The following TSNARE1 variants were observed in gnomAD, a reference collection of about 807,000 sequenced individuals.
The protein encoded by TSNARE1 is t-SNARE domain-containing protein 1.
Under a neutral mutation model 62.0 loss-of-function variants are expected in TSNARE1, and 49 were observed. The ratio of observed to expected loss-of-function variants is 0.79; its 90% CI spans 0.63 to 1.00. The LOEUF (loss-of-function observed/expected upper bound fraction) is 1.00. TSNARE1 is among the 50% of genes least tolerant of loss of function. The pLI is 0.00. For missense variants in TSNARE1, 755 were observed against 700.1 expected (o/e 1.08, Z -0.88); for synonymous variants, 328 against 294.4 (o/e 1.11, Z -1.17).
intron 4 of TSNARE1, among the ~76,000 whole-genome samples, chr8:142,332,780 A>G (rs1385998393): frequency 6.6e-6 from 1 of 152,120 alleles, no homozygotes; most frequent in Non-Finnish European, 1.5e-5. Flanking sequence ...AAGCACATGG[A>G]AACACTCGCT....
intron 10 of TSNARE1, among the ~76,000 whole-genome samples, chr8:142,295,186 A>G (rs1017092512): frequency 7.2e-6 from 1 of 138,130 alleles, no homozygotes; most frequent in African/African-American, 2.5e-5. Flanking sequence ...CAGCTCCCAC[A>G]TGTGACTGGC....
chr8:142,352,754 G>A (rs1370328122), intron 2 of TSNARE1, among the ~76,000 whole-genome samples: 2 of 152,190 alleles, frequency 1.3e-5, no homozygotes, highest in Admixed American at 6.5e-5. Flanking sequence ...ATATGCACAC[G>A]CATAAGCAAA....
At position 142,320,419 on chromosome 8, in the gene TSNARE1, C is replaced by T. The variant is rs139758398; in HGVS notation, c.894-1785G>A. Among the ~76,000 whole-genome samples the T allele has an allele frequency of 2.9e-4, 43 of 150,696 alleles. 3 individuals carry two copies. Among genetic ancestry groups the T allele is most frequent in the African/African-American group, 1.0e-3 (43 of 41,036 alleles). ...AACTTCACCTCCCCACACCACCCTC[C>T]TGTACCTCCGACTTCACTTCCCCAC... On this transcript the variant is annotated intron_variant, in intron 6 of 13. Coordinates refer to ENST00000524325, the MANE Select transcript of TSNARE1 (RefSeq NM_145003.5).
intron 10 of TSNARE1, among the ~76,000 whole-genome samples, chr8:142,296,984 C>T (rs13265050): frequency 4.6e-5 from 7 of 152,018 alleles, no homozygotes; most frequent in African/African-American, 1.5e-4. Context: ...CACTTCCACA[C>T]GGCCCGCTAC....
intron 6 of TSNARE1, among the ~76,000 whole-genome samples, chr8:142,322,994 C>T (rs981764262): frequency 4.0e-5 from 6 of 149,014 alleles, no homozygotes; most frequent in Non-Finnish European, 7.4e-5. Flanking sequence ...CCGGTCTGGC[C>T]GTGTCTGTGG....
At chr8:142,249,862 C>T (rs759930811) in intron 12 of TSNARE1, among the ~76,000 whole-genome samples, 3 of 152,240 alleles carry the variant, frequency 2.0e-5, no homozygotes, top group Non-Finnish European at 4.4e-5. Flanking sequence ...AAAGCCACAG[C>T]CAGACCGGCC....
intron 12 of TSNARE1, among the ~76,000 whole-genome samples, chr8:142,240,130 A>C (rs973853426): frequency 2.0e-5 from 3 of 152,222 alleles, no homozygotes; most frequent in Admixed American, 6.5e-5. Context: ...GAGGCATAGA[A>C]GTACTGAAAA....
At chr8:142,315,193 C>T (rs1287392908) in intron 7 of TSNARE1, 101 bp from the exon 8 acceptor site, 4 of 1,196,028 alleles carry the variant, frequency 3.3e-6, no homozygotes, top group Non-Finnish European at 4.8e-6. Flanking sequence ...CACCTTCCCA[C>T]ACTCAGAATG....
chr8:142,216,124 G>T (rs113182709), intron 13 of TSNARE1, among the ~76,000 whole-genome samples: 1 of 152,102 alleles, frequency 6.6e-6, no homozygotes, highest in Non-Finnish European at 1.5e-5. Context: ...ACTCCCTGCC[G>T]CCCCTCAGCC....
rs1388905018 is a variant in TSNARE1 at position 142,354,697 on chromosome 8, C to T, written c.28G>A (p.Gly10Ser). ...AAAGGGCCACGGCTCCCCAGGCCACCTCCACGGGCGATGGATCCGTATGAC... is the reference window on the plus strand; with the variant it reads ...AAAGGGCCACGGCTCCCCAGGCCACTTCCACGGGCGATGGATCCGTATGAC... MSYGSIARG[G>S]GLGSRGPFGG... The change falls in exon 2 of 14, where the codon GGT becomes AGT. Residue 10 changes from glycine to serine, a missense_variant. Physicochemically the swap from Gly to Ser is moderately conservative, Grantham distance 56. Transcript: ENST00000524325. The T allele has an allele frequency of 2.5e-6, 4 of 1,613,694 alleles. No individual in the cohort carries two copies. The highest frequency in any genetic ancestry group is 3.4e-6 in the Non-Finnish European group (4 of 1,179,854).
chr8:142,292,522 T>C (rs1373300208), intron 10 of TSNARE1, among the ~76,000 whole-genome samples: 1 of 152,192 alleles, frequency 6.6e-6, no homozygotes, highest in East Asian at 1.9e-4. Context: ...AGCCACAGGC[T>C]AGCTGTGGTG....
At chr8:142,278,733 C>T (rs1389772516) in intron 11 of TSNARE1, 2 of 985,238 alleles carry the variant, frequency 2.0e-6, no homozygotes, top group Non-Finnish European at 2.4e-6. Flanking sequence ...CCCGTGGGCT[C>T]GGAAGGGGGC....
intron 1 of TSNARE1, among the ~76,000 whole-genome samples, chr8:142,376,051 T>C (rs973217706): frequency 2.6e-5 from 4 of 152,152 alleles, no homozygotes; most frequent in African/African-American, 4.8e-5. Flanking sequence ...GAAAACATGG[T>C]CCCAGCAGAG....
chr8:142,271,527 T>C, intron 12 of TSNARE1: 1 of 1,351,466 alleles, frequency 7.4e-7, no homozygotes, highest in Non-Finnish European at 9.5e-7. Flanking sequence ...CCCATGAGTG[T>C]GGTTGCTGGT....
intron 13 of TSNARE1, among the ~76,000 whole-genome samples, chr8:142,222,615 T>TTCAC: frequency 2.6e-5 from 1 of 37,886 alleles, no homozygotes; most frequent in East Asian, 9.3e-4. Flanking sequence ...CACTCATTCA[T>TTCAC]CCACTCACTC....
Position 142,258,051 on chromosome 8 carries a change from A to C in TSNARE1, c.1446+16730T>G, listed in dbSNP as rs563119528. On this transcript the variant is annotated intron_variant, in intron 12 of 13. Coordinates refer to ENST00000524325, the MANE Select transcript of TSNARE1 (RefSeq NM_145003.5). ...CACATGCACACATGCACTTGTGCTC[A>C]CACATGCACACACAAAACCTATGCT... Among the ~76,000 whole-genome samples the C allele has an allele frequency of 4.7e-4, 71 of 152,276 alleles. 1 individual carries two copies. In the South Asian group the frequency reaches 0.01, roughly 22 times the overall value.
chr8:142,243,224 A>G (rs1184618011), intron 12 of TSNARE1, among the ~76,000 whole-genome samples: 1 of 152,212 alleles, frequency 6.6e-6, no homozygotes, highest in Non-Finnish European at 1.5e-5. Context: ...TAGAACTATC[A>G]TATGTTCCAG....
At chr8:142,278,873 G>C in intron 11 of TSNARE1, 1 of 896,974 alleles carries the variant, frequency 1.1e-6, no homozygotes, top group South Asian at 5.1e-5. Context: ...AGCGTGGGGC[G>C]GGGAAGAGTC....
At chr8:142,276,002 C>A in intron 11 of TSNARE1, 1 of 985,438 alleles carries the variant, frequency 1.0e-6, no homozygotes, top group Non-Finnish European at 1.2e-6. Flanking sequence ...GCCCTGCCTT[C>A]AGAAGCCCCC....
Sources: gnomAD v4.1 joint callset for allele counts (sites outside exome capture counted in the v4.1 genomes callset) on GRCh38, gnomAD v4.1.1 for gene constraint, MANE v1.5 for transcripts, NCBI Gene and HGNC (gene_info 2026-07-23, HGNC 2026-07-21) for gene names.